SLC25A21: variants seen among roughly 807,000 people sequenced by gnomAD.
SLC25A21 encodes the protein mitochondrial 2-oxodicarboxylate carrier.
SLC25A21 carries 47 observed loss-of-function variants against 43.8 expected under a neutral mutation model. The ratio of observed to expected loss-of-function variants is 1.07; its 90% CI spans 0.85 to 1.37. The LOEUF is 1.37. Among genes scored for constraint, SLC25A21 ranks in the 40% most tolerant of loss-of-function variants. SLC25A21 has a pLI of 0.00. For synonymous variants in SLC25A21, 131 were observed against 121.3 expected (o/e 1.08, Z -0.52); for missense variants, 352 against 350.2 (o/e 1.00, Z -0.04).
chr14:37,057,311 T>G (rs1293538583), intron 1 of SLC25A21, among the ~76,000 whole-genome samples: 1 of 152,222 alleles, frequency 6.6e-6, no homozygotes, highest in Non-Finnish European at 1.5e-5. Context: ...ATATTCCAGG[T>G]GGGTCCTGAG....
intron 2 of SLC25A21, among the ~76,000 whole-genome samples, chr14:36,867,936 G>C (rs995188858): frequency 6.6e-6 from 1 of 151,914 alleles, no homozygotes; most frequent in Admixed American, 6.6e-5. Flanking sequence ...AATGAGTGGA[G>C]GAGTCAGGAT....
chr14:36,722,356 A>T (rs1338952228), intron 6 of SLC25A21, among the ~76,000 whole-genome samples: 1 of 152,206 alleles, frequency 6.6e-6, no homozygotes, highest in Non-Finnish European at 1.5e-5. Context: ...ATAATGGTGA[A>T]TATATGTCAT....
chr14:36,758,868 A>G (rs1301594234), intron 3 of SLC25A21, among the ~76,000 whole-genome samples: 2 of 152,328 alleles, frequency 1.3e-5, no homozygotes, highest in East Asian at 3.9e-4. Context: ...CAGGAGAACA[A>G]TCAAGTGTGA....
At chr14:36,971,119 C>T (rs962207958) in intron 1 of SLC25A21, among the ~76,000 whole-genome samples, 6 of 152,050 alleles carry the variant, frequency 3.9e-5, no homozygotes, top group Non-Finnish European at 7.4e-5. Flanking sequence ...ATGAACTTTC[C>T]GAGTCCCTTC....
At chr14:36,732,443 G>T (rs1302689438) in intron 4 of SLC25A21, among the ~76,000 whole-genome samples, 1 of 152,076 alleles carries the variant, frequency 6.6e-6, no homozygotes, top group Non-Finnish European at 1.5e-5. Context: ...TGGTCTCTCT[G>T]AAGTCTTCTT....
At chr14:36,683,379 C>T (rs972818521) in intron 9 of SLC25A21, among the ~76,000 whole-genome samples, 6 of 152,300 alleles carry the variant, frequency 3.9e-5, no homozygotes, top group Admixed American at 6.5e-5. Context: ...AGATGAGTGG[C>T]TTTGCTGTTC....
At chr14:36,908,234 TGA>T (rs1891587384) in intron 1 of SLC25A21, among the ~76,000 whole-genome samples, 2 of 152,184 alleles carry the variant, frequency 1.3e-5, no homozygotes, top group Admixed American at 6.5e-5. Flanking sequence ...TTTGATATAA[TGA>T]TATGTCAATG....
At chr14:36,863,456 T>A (rs1312632322) in intron 2 of SLC25A21, among the ~76,000 whole-genome samples, 7 of 152,168 alleles carry the variant, frequency 4.6e-5, no homozygotes, top group Non-Finnish European at 1.0e-4. Flanking sequence ...TTCCGCAATG[T>A]GAGTCATAAA....
At chr14:36,885,300 C>A (rs999299432) in intron 1 of SLC25A21, among the ~76,000 whole-genome samples, 4 of 152,110 alleles carry the variant, frequency 2.6e-5, no homozygotes, top group Non-Finnish European at 4.4e-5. Flanking sequence ...TGCAGGTTCT[C>A]TATTCTGTTC....
intron 2 of SLC25A21, among the ~76,000 whole-genome samples, chr14:36,853,122 C>G (rs1049818409): frequency 1.3e-5 from 2 of 152,106 alleles, no homozygotes; most frequent in Non-Finnish European, 2.9e-5. Flanking sequence ...AAAACAACAA[C>G]TGTTCAAGGG....
chr14:36,698,699 A>T (rs1883147062), intron 7 of SLC25A21, among the ~76,000 whole-genome samples: 1 of 151,916 alleles, frequency 6.6e-6, no homozygotes, highest in Non-Finnish European at 1.5e-5. Context: ...CTTCCACTTG[A>T]TCGAATTGGC....
chr14:37,017,899 T>C (rs1960897879), intron 1 of SLC25A21, among the ~76,000 whole-genome samples: 1 of 151,982 alleles, frequency 6.6e-6, no homozygotes, highest in South Asian at 2.1e-4. Context: ...ACTGGGGTAA[T>C]TGACACTCTA....
rs567113423 is a variant in SLC25A21, at chr14:36,988,291, A to T, written c.71-113287T>A. On this transcript the variant is annotated intron_variant, in intron 1 of 9. Coordinates refer to ENST00000331299, the MANE Select transcript of SLC25A21 (RefSeq NM_030631.4). Reference sequence around the variant, plus strand: ...CTGATATTTTTCCTTGCCCCTGGTTAGTCCTTCCTATCAAGGTTAAGGACT... The same window carrying T: ...CTGATATTTTTCCTTGCCCCTGGTTTGTCCTTCCTATCAAGGTTAAGGACT... Among the ~76,000 whole-genome samples the T allele has an allele frequency of 1.5e-3, 221 of 152,340 alleles. 1 individual carries two copies. The highest frequency in any genetic ancestry group is 5.1e-3 in the African/African-American group (211 of 41,590).
chr14:37,137,857 G>T (rs141910032), intron 1 of SLC25A21, among the ~76,000 whole-genome samples: 191 of 152,174 alleles, frequency 1.3e-3, no homozygotes, highest in African/African-American at 4.1e-3. Context: ...CGTTCTACAG[G>T]TATTAATTAA....
At chr14:36,823,400 T>G (rs1044135778) in intron 2 of SLC25A21, among the ~76,000 whole-genome samples, 1 of 152,202 alleles carries the variant, frequency 6.6e-6, no homozygotes, top group African/African-American at 2.4e-5. Context: ...AATATCAGAT[T>G]ATAGTGCTAC....
At chr14:36,923,759 T>C (rs1892045954) in intron 1 of SLC25A21, among the ~76,000 whole-genome samples, 1 of 151,942 alleles carries the variant, frequency 6.6e-6, no homozygotes, top group South Asian at 2.1e-4. Context: ...AAAATAGCAA[T>C]ACAAAAATTT....
At chr14:36,730,613 C>A (rs759855763) in intron 4 of SLC25A21, among the ~76,000 whole-genome samples, 1 of 152,156 alleles carries the variant, frequency 6.6e-6, no homozygotes, top group East Asian at 1.9e-4. Flanking sequence ...GTTTGGGCAG[C>A]CCAAGAATCG....
chr14:37,007,826 C>T (rs1960641220), intron 1 of SLC25A21, among the ~76,000 whole-genome samples: 2 of 152,074 alleles, frequency 1.3e-5, no homozygotes, highest in South Asian at 4.1e-4. Flanking sequence ...AAAACTCTCC[C>T]ATTTCAAGGA....
At position 37,065,843 on chromosome 14, in the gene SLC25A21, C is replaced by T. The variant is rs548690173; in HGVS notation, c.70+106438G>A. 2.0e-5 allele frequency among the ~76,000 whole-genome samples: 3 copies of T among 152,166 alleles called. No individual in the cohort carries two copies. In the South Asian group the frequency reaches 6.2e-4, roughly 32 times the overall value. ...TAAAATTTAAGAGGAAAAAAATTAA[C>T]AAAATGTGCCTTAGCAGATTTGAAA... is the stretch of plus-strand genomic sequence containing the variant. On this transcript the variant is annotated intron_variant, in intron 1 of 9. Coordinates refer to ENST00000331299, the MANE Select transcript of SLC25A21 (RefSeq NM_030631.4).
Sources: allele counts gnomAD v4.1 joint callset (sites outside exome capture counted in the v4.1 genomes callset), GRCh38; gene constraint gnomAD v4.1.1; transcripts MANE v1.5; gene names NCBI Gene and HGNC (gene_info 2026-07-23, HGNC 2026-07-21).